B2M: variants seen among roughly 807,000 people sequenced by gnomAD.
B2M encodes beta-2-microglobulin.
In B2M, 3 loss-of-function variants were observed where a neutral mutation model predicts 14.5. The observed-to-expected ratio is 0.21, with a 90% confidence interval of 0.09 to 0.53. The LOEUF (loss-of-function observed/expected upper bound fraction) is 0.53. Among genes scored for constraint, B2M ranks in the 20% least tolerant of loss-of-function variants. The pLI is 0.95. For synonymous variants in B2M, 45 were observed against 52.7 expected, an observed-to-expected ratio of 0.85 and a Z score of 0.64; for missense variants, 107 against 140.8, an observed-to-expected ratio of 0.76 and a Z score of 1.21.
intron 1 of B2M, 87 bp downstream of exon 1, chr15:44,711,700 C>A (rs866666026): frequency 1.4e-5 from 20 of 1,472,546 alleles, no homozygotes; most frequent in Non-Finnish European, 1.8e-5. Flanking sequence ...CGCTCCGTGA[C>A]TTCCCTTCTC....
chr15:44,715,900 T>G (rs1307017731), intron 2 of B2M, 199 bp downstream of exon 2: 2 of 716,522 alleles, frequency 2.8e-6, no homozygotes, highest in Admixed American at 4.6e-5. Context: ...GAGATACTGA[T>G]GCACAGCATG....
At chr15:44,715,854 G>A (rs1002617998) in intron 2 of B2M, 153 bp downstream of exon 2, 7 of 996,956 alleles carry the variant, frequency 7.0e-6, no homozygotes, top group East Asian at 2.6e-5. Context: ...GGATTGTCAG[G>A]GAATGTTCTT....
intron 1 of B2M, among the ~76,000 whole-genome samples, chr15:44,712,335 CT>C (rs1260837807): frequency 4.6e-5 from 7 of 152,298 alleles, no homozygotes; most frequent in African/African-American, 1.7e-4. Flanking sequence ...GTGCCAAGGA[CT>C]TTATGTGCTT....
At chr15:44,715,391 A>G (rs1371103398) in intron 1 of B2M, 32 bp from the exon 2 acceptor site, 2 of 1,606,076 alleles carry the variant, frequency 1.2e-6, no homozygotes, top group Non-Finnish European at 1.7e-6. Flanking sequence ...TACCCTGGCA[A>G]TATTAATGTG....
chr15:44,712,350 G>A (rs550390713), intron 1 of B2M, among the ~76,000 whole-genome samples: 24 of 152,246 alleles, frequency 1.6e-4, no homozygotes, highest in African/African-American at 5.1e-4. Flanking sequence ...TGTGCTTTGC[G>A]TCATTTAATT....
At chr15:44,715,811 C>G in intron 2 of B2M, 110 bp downstream of exon 2, 1 of 1,296,004 alleles carries the variant, frequency 7.7e-7, no homozygotes, top group South Asian at 1.2e-5. Flanking sequence ...TGAATGAGTC[C>G]CATCCCATCT....
rs2086933060 is a variant in B2M, at chr15:44,715,668, G to A, written c.313G>A (p.Val105Met). 3 of 1,614,212 alleles carry A rather than the reference G, an allele frequency of 1.9e-6. No homozygotes were observed. The highest frequency in any genetic ancestry group is 1.6e-4 in the Middle Eastern group (1 of 6,062). Residue 105 changes from valine to methionine, a missense_variant, in exon 2 of 4, where the codon GTG becomes ATG. Physicochemically the swap from Val to Met is conservative, Grantham distance 21. Transcript: ENST00000648006. ...TGAGTATGCCTGCCGTGTGAACCAT[G>A]TGACTTTGTCACAGCCCAAGATAGT... ...KDEYACRVNH[V>M]TLSQPKIVKW... is the part of the protein sequence containing the mutation.
chr15:44,716,714 C>T (rs1338011918), intron 3 of B2M: 2 of 335,416 alleles, frequency 6.0e-6, no homozygotes, highest in Non-Finnish European at 1.1e-5. Context: ...CCACTCTTTT[C>T]CTTTGTATAA....
chr15:44,716,538 T>C, intron 3 of B2M, 182 bp downstream of exon 3: 1 of 678,096 alleles, frequency 1.5e-6, no homozygotes, highest in Middle Eastern at 3.6e-4. Context: ...AGAAGGTGTA[T>C]GGCCCCAGGT....
At chr15:44,715,306 T>C in intron 1 of B2M, 117 bp from the exon 2 acceptor site, 1 of 1,234,992 alleles carries the variant, frequency 8.1e-7, no homozygotes, top group Non-Finnish European at 1.2e-6. Flanking sequence ...GGAAATGGAA[T>C]TGGGAGAAAT....
intron 2 of B2M, chr15:44,716,109 A>G: frequency 1.6e-6 from 1 of 622,880 alleles, no homozygotes; most frequent in South Asian, 2.0e-5. Context: ...AGCATCCTAT[A>G]ATCCTGGACT....
chr15:44,712,119 G>T, intron 1 of B2M: 1 of 275,140 alleles, frequency 3.6e-6, no homozygotes, highest in Non-Finnish European at 7.2e-6. Flanking sequence ...GGAGAGCTGT[G>T]GACTTCGTCT....
intron 1 of B2M, chr15:44,711,996 C>T: frequency 2.6e-6 from 1 of 383,050 alleles, no homozygotes; most frequent in Non-Finnish European, 5.0e-6. Flanking sequence ...GACGGGTAGG[C>T]TCGTCCCAAA....
chr15:44,717,411 T>A (rs1286939644), intron 3 of B2M, 196 bp from the exon 4 acceptor site: 1 of 152,180 alleles, frequency 6.6e-6, no homozygotes, highest in African/African-American at 2.4e-5. Flanking sequence ...CATATCAGCA[T>A]TTTTTCTTCT....
chr15:44,716,398 C>A (rs979666432), intron 3 of B2M, 42 bp downstream of exon 3: 2 of 1,548,410 alleles, frequency 1.3e-6, no homozygotes, highest in Non-Finnish European at 1.8e-6. Flanking sequence ...TTTCACTGTC[C>A]TGAGGACTAT....
intron 3 of B2M, chr15:44,716,574 G>A: frequency 1.7e-6 from 1 of 597,270 alleles, no homozygotes; most frequent in South Asian, 2.1e-5. Context: ...ACCCTCTACA[G>A]AGAGGGCAAA....
At chr15:44,715,193 A>G (rs1313977483) in intron 1 of B2M, 1 of 596,812 alleles carries the variant, frequency 1.7e-6, no homozygotes, top group African/African-American at 1.9e-5. Context: ...AAAAACAAAA[A>G]AGGCATGTAT....
At chr15:44,713,677 G>C (rs920018773) in intron 1 of B2M, 1 of 152,232 alleles carries the variant, frequency 6.6e-6, no homozygotes, top group African/African-American at 2.4e-5. Flanking sequence ...CAAACAGAGA[G>C]TTCCAGGCAG....
intron 1 of B2M, chr15:44,714,421 C>CCTCAGCAGAAAT (rs2086919176): frequency 6.6e-6 from 1 of 152,162 alleles, no homozygotes; most frequent in South Asian, 2.1e-4. Flanking sequence ...GCATATAAAA[C>CCTCAGCAGAAAT]CTCAGCAGAA....
Sources: allele counts gnomAD v4.1 joint callset (sites outside exome capture counted in the v4.1 genomes callset), GRCh38; gene constraint gnomAD v4.1.1; transcripts MANE v1.5; gene names NCBI Gene and HGNC (gene_info 2026-07-23, HGNC 2026-07-21).